Variants in SERF1A observed in about 807,000 individuals in gnomAD.
SERF1A encodes small EDRK-rich factor 1A.
At position 70,904,640 on chromosome 5, in the gene SERF1A, C is replaced by T. The variant is rs1484016764; in HGVS notation, c.116+2707C>T. Among the ~76,000 whole-genome samples the T allele has an allele frequency of 8.2e-5, 4 of 48,778 alleles. 2 individuals carry two copies. Among genetic ancestry groups the T allele is most frequent in the Non-Finnish European group, 1.7e-4 (4 of 23,268 alleles). The allele number at this position is 48,778 out of a possible 152,430, so 32.0% of individuals were successfully genotyped here. ...TGATCTCGGCTCACTGCAACCTCCA[C>T]CTCCTGGGCTTAAGCGATTCTCCTG... On this transcript the variant is annotated intron_variant, in intron 2 of 2. Coordinates refer to ENST00000317633, the MANE Select transcript of SERF1A (RefSeq NM_022968.2).
chr5:70,904,815 A>G (rs1403718725), intron 2 of SERF1A, among the ~76,000 whole-genome samples: 1 of 58,692 alleles, frequency 1.7e-5, no homozygotes, highest in Non-Finnish European at 3.3e-5. Flanking sequence ...GGCCTCCCAA[A>G]GTGCTGGGAT....
At chr5:70,912,055 A>ACTCTCTCTCT (rs1373795637), downstream of SERF1A, among the ~76,000 whole-genome samples, 10 of 30,388 alleles carry the variant, frequency 3.3e-4, no homozygotes, top group African/African-American at 8.4e-4. Context: ...ACACACACAC[A>ACTCTCTCTCT]CACTCTCTCT....
chr5:70,912,082 C>CTCTCTG (rs1460381239), downstream of SERF1A, among the ~76,000 whole-genome samples: 1 of 46,706 alleles, frequency 2.1e-5, no homozygotes, highest in African/African-American at 7.3e-5. Context: ...CTCTCTCTCT[C>CTCTCTG]AAAAACACTT....
downstream of SERF1A, among the ~76,000 whole-genome samples, chr5:70,909,667 TTTTC>T (rs1749094190): frequency 1.4e-5 from 1 of 72,590 alleles, no homozygotes; most frequent in Admixed American, 1.6e-4. Context: ...CTTTAAGCTC[TTTTC>T]TTTGCCTTTT....
downstream of SERF1A, among the ~76,000 whole-genome samples, chr5:70,909,487 T>C (rs1749089585): frequency 7.0e-6 from 1 of 143,304 alleles, no homozygotes; most frequent in Non-Finnish European, 1.6e-5. Flanking sequence ...TATTCTATGA[T>C]GGTAGTCACA....
chr5:70,904,719 A>G (rs1341898281), intron 2 of SERF1A, among the ~76,000 whole-genome samples: 24 of 49,112 alleles, frequency 4.9e-4, no homozygotes, highest in Non-Finnish European at 1.7e-4. Flanking sequence ...TGCCCAGCTA[A>G]TTTTTGTATT....
In SERF1A at chr5:70,904,605, T is replaced by G. The variant is rs191644449; in HGVS notation, c.116+2672T>G. ...TCTTACTCTGTTGCCCATGCTGGAG[T>G]GCAGTGGCGTGATCTCGGCTCACTG... On this transcript the variant is annotated intron_variant, in intron 2 of 2. Coordinates refer to ENST00000317633, the MANE Select transcript of SERF1A (RefSeq NM_022968.2). Among the ~76,000 whole-genome samples, 238 of 45,836 alleles carry G rather than the reference T, an allele frequency of 5.2e-3. 33 individuals carry two copies. Among genetic ancestry groups the G allele is most frequent in the Admixed American group, 7.4e-3 (24 of 3,258 alleles). 30.1% of individuals were successfully genotyped at this position (45,836 alleles called of 152,430 possible). A position where few individuals can be genotyped will look rare whatever the true frequency, so the allele number is the denominator to read the frequency against.
At chr5:70,912,057 ACT>A (rs1554081326), downstream of SERF1A, among the ~76,000 whole-genome samples, 26 of 18,598 alleles carry the variant, frequency 1.4e-3, 8 homozygotes, top group Admixed American at 4.3e-3. Flanking sequence ...ACACACACAC[ACT>A]CTCTCTCTCT....
downstream of SERF1A, among the ~76,000 whole-genome samples, chr5:70,912,012 T>TACACACACACACAC (rs1203956669): frequency 4.4e-5 from 1 of 22,860 alleles, no homozygotes; most frequent in African/African-American, 1.2e-4. Flanking sequence ...TCTCAAAACA[T>TACACACACACACAC]ACACACACAC....
intron 2 of SERF1A, among the ~76,000 whole-genome samples, chr5:70,913,399 AAC>A (rs1491212425): frequency 1.8e-4 from 26 of 143,462 alleles, no homozygotes; most frequent in African/African-American, 6.6e-4. Context: ...AAAAAAAAAA[AAC>A]ATACAAACCG....
At chr5:70,912,057 A>ACTCTCTCTCTCTCTCTCTCT (rs1554081326), downstream of SERF1A, among the ~76,000 whole-genome samples, 2 of 18,600 alleles carry the variant, frequency 1.1e-4, no homozygotes, top group African/African-American at 2.1e-4. Flanking sequence ...ACACACACAC[A>ACTCTCTCTCTCTCTCTCTCT]CTCTCTCTCT....
At chr5:70,916,482 CAT>C (rs1279951355) in intron 2 of SERF1A, among the ~76,000 whole-genome samples, 1 of 33,962 alleles carries the variant, frequency 2.9e-5, no homozygotes, top group Non-Finnish European at 4.5e-5. Context: ...TATACACACA[CAT>C]ACACACATTT....
chr5:70,910,795 A>ATTTTTTT (rs1413382425), downstream of SERF1A, among the ~76,000 whole-genome samples: 5 of 24,418 alleles, frequency 2.0e-4, no homozygotes, highest in Non-Finnish European at 3.5e-4. Flanking sequence ...TATTATTATT[A>ATTTTTTT]TTATTTTTTT....
At chr5:70,913,378 C>CAAAA (rs878903389) in intron 2 of SERF1A, among the ~76,000 whole-genome samples, 9 of 59,072 alleles carry the variant, frequency 1.5e-4, no homozygotes, top group Non-Finnish European at 2.0e-4. Flanking sequence ...GACTCTGTCT[C>CAAAA]AAAAAAAAAA....
At chr5:70,913,218 A>ATAGT (rs1336750109) in intron 2 of SERF1A, among the ~76,000 whole-genome samples, 1 of 132,752 alleles carries the variant, frequency 7.5e-6, no homozygotes, top group Non-Finnish European at 1.7e-5. Flanking sequence ...GTCTCTACTA[A>ATAGT]AAATACAAAA....
At chr5:70,913,149 T>C (rs941969588) in intron 2 of SERF1A, among the ~76,000 whole-genome samples, 2 of 143,400 alleles carry the variant, frequency 1.4e-5, no homozygotes, top group African/African-American at 5.0e-5. Context: ...GAGGCTGAGG[T>C]GGGCAGATCA....
chr5:70,903,969 T>A (rs1580875631), intron 2 of SERF1A, among the ~76,000 whole-genome samples: 2 of 9,364 alleles, frequency 2.1e-4, no homozygotes, highest in Non-Finnish European at 3.9e-4. Context: ...AGACTCCGTC[T>A]CAAAAAAAAA....
exon 3 of SERF1A, chr5:70,917,341 C>CT (rs1393891467): frequency 0.077 from 6,669 of 86,230 alleles, 3 homozygotes; most frequent in Middle Eastern, 0.1. Context: ...TAACTTAGCA[C>CT]TTTTTTTTTT....
At chr5:70,910,798 A>ATTTTT (rs1249752268), downstream of SERF1A, among the ~76,000 whole-genome samples, 1 of 20,924 alleles carries the variant, frequency 4.8e-5, no homozygotes, top group Non-Finnish European at 9.5e-5. Flanking sequence ...TATTATTATT[A>ATTTTT]TTTTTTTTTT....
Sources: allele counts gnomAD v4.1 joint callset (sites outside exome capture counted in the v4.1 genomes callset), GRCh38; gene constraint gnomAD v4.1.1; transcripts MANE v1.5; gene names NCBI Gene and HGNC (gene_info 2026-07-23, HGNC 2026-07-21).